The following TCF4 variants were observed in gnomAD, a reference collection of about 807,000 sequenced individuals.
TCF4 encodes SL3-3 enhancer factor 2.
Under a neutral mutation model 82.1 loss-of-function variants are expected in TCF4, and 3 were observed. The ratio of observed to expected loss-of-function variants is 0.04; its 90% CI spans 0.02 to 0.09. The LOEUF is 0.09. TCF4 is among the 10% of genes least tolerant of loss of function. TCF4 has a pLI of 1.00. For missense variants in TCF4, 518 were observed against 852.7 expected (o/e 0.61, Z 4.89); for synonymous variants, 276 against 309.6 (o/e 0.89, Z 1.14).
chr18:55,517,867 G>A (rs762639386), intron 3 of TCF4, among the ~76,000 whole-genome samples: 1 of 152,154 alleles, frequency 6.6e-6, no homozygotes. Context: ...GCCCTTGCTG[G>A]TTAGAGCTTT....
chr18:55,448,267 G>A (rs747848525), intron 5 of TCF4, among the ~76,000 whole-genome samples: 11 of 152,130 alleles, frequency 7.2e-5, no homozygotes, highest in South Asian at 6.2e-4. Flanking sequence ...TTCTACAGGC[G>A]GGAATATTCC....
At chr18:55,391,393 A>G (rs1350820425) in intron 6 of TCF4, among the ~76,000 whole-genome samples, 3 of 152,132 alleles carry the variant, frequency 2.0e-5, no homozygotes, top group African/African-American at 7.2e-5. Context: ...TTTCTATATG[A>G]CAAAACTGAA....
chr18:55,583,337 G>A (rs1568458508), intron 3 of TCF4, among the ~76,000 whole-genome samples: 1 of 151,980 alleles, frequency 6.6e-6, no homozygotes, highest in Admixed American at 6.6e-5. Flanking sequence ...ACATATGTGT[G>A]TATGTGTATG....
At chr18:55,322,144 CCTTTT>C (rs1237314362) in intron 8 of TCF4, 5 of 1,053,354 alleles carry the variant, frequency 4.7e-6, no homozygotes, top group African/African-American at 1.8e-5. Context: ...TTCTAGGCAC[CCTTTT>C]CTTCTCTAAA....
chr18:55,412,575 A>G (rs1023524189), intron 5 of TCF4, among the ~76,000 whole-genome samples: 2 of 152,100 alleles, frequency 1.3e-5, no homozygotes. Context: ...TCGTTCATTT[A>G]AAAGGGTCCT....
At chr18:55,374,729 G>A (rs1427484072) in intron 6 of TCF4, among the ~76,000 whole-genome samples, 2 of 151,664 alleles carry the variant, frequency 1.3e-5, no homozygotes, top group African/African-American at 4.8e-5. Context: ...GCGAAACTCC[G>A]CCTCCACAAA....
chr18:55,625,984 C>T (rs533896040), intron 2 of TCF4, among the ~76,000 whole-genome samples: 1 of 152,268 alleles, frequency 6.6e-6, no homozygotes, highest in South Asian at 2.1e-4. Context: ...CCGTCCCTTT[C>T]CTATTAATTT....
intron 8 of TCF4, among the ~76,000 whole-genome samples, chr18:55,291,523 G>C (rs554893142): frequency 1.3e-5 from 2 of 151,968 alleles, no homozygotes; most frequent in African/African-American, 4.8e-5. Context: ...AAAAAAGTAC[G>C]AATTATCTTT....
intron 2 of TCF4, among the ~76,000 whole-genome samples, chr18:55,624,649 C>G (rs1421033592): frequency 1.3e-5 from 2 of 151,682 alleles, no homozygotes; most frequent in Admixed American, 6.6e-5. Flanking sequence ...CTCAAACTTT[C>G]CTTCTCTTCT....
intron 11 of TCF4, among the ~76,000 whole-genome samples, chr18:55,263,094 G>A: frequency 6.6e-6 from 1 of 152,078 alleles, no homozygotes; most frequent in East Asian, 1.9e-4. Context: ...CTGAGTCACG[G>A]TGCCCAGCCG....
intron 3 of TCF4, among the ~76,000 whole-genome samples, chr18:55,579,041 C>G (rs1185760707): frequency 6.6e-6 from 1 of 151,340 alleles, no homozygotes; most frequent in Non-Finnish European, 1.5e-5. Context: ...AACATGACAA[C>G]CTTTTCAACA....
At chr18:55,346,719 A>T (rs2081261072) in intron 8 of TCF4, among the ~76,000 whole-genome samples, 1 of 152,190 alleles carries the variant, frequency 6.6e-6, no homozygotes, top group Non-Finnish European at 1.5e-5. Context: ...GATAAAACGT[A>T]TATAATTTTG....
intron 3 of TCF4, among the ~76,000 whole-genome samples, chr18:55,547,900 T>A (rs758469127): frequency 2.6e-5 from 4 of 151,842 alleles, no homozygotes; most frequent in African/African-American, 4.9e-5. Context: ...AGACCAGAAC[T>A]TGAATTCCCA....
At chr18:55,430,864 G>C (rs895776326) in intron 5 of TCF4, among the ~76,000 whole-genome samples, 5 of 152,184 alleles carry the variant, frequency 3.3e-5, no homozygotes, top group Non-Finnish European at 5.9e-5. Flanking sequence ...ACATAGGCCT[G>C]AAGTGGGTCC....
intron 3 of TCF4, among the ~76,000 whole-genome samples, chr18:55,536,048 A>T (rs2097111784): frequency 6.6e-6 from 1 of 152,194 alleles, no homozygotes. Context: ...TCTTCAGCGG[A>T]CTAGCCTGGA....
At chr18:55,589,834 T>C, upstream of TCF4, 1 of 1,004,540 alleles carries the variant, frequency 1.0e-6, no homozygotes, top group South Asian at 4.7e-5. Flanking sequence ...CCGCGGCTGC[T>C]CCTCCAGACA....
chr18:55,514,405 GCACACACACACACACACA>G (rs74182104), intron 3 of TCF4, among the ~76,000 whole-genome samples: 5 of 130,172 alleles, frequency 3.8e-5, no homozygotes, highest in African/African-American at 5.5e-5. Flanking sequence ...ATCTATCCAT[GCACACACACACACACACA>G]CACACACACA....
chr18:55,478,845 A>T (rs62091169), intron 3 of TCF4, among the ~76,000 whole-genome samples: 1 of 103,988 alleles, frequency 9.6e-6, no homozygotes, highest in African/African-American at 3.5e-5. Flanking sequence ...AAACAGTTTT[A>T]AAATTAAAAA....
At chr18:55,353,804 T>G (rs2082830475) in intron 6 of TCF4, among the ~76,000 whole-genome samples, 1 of 152,148 alleles carries the variant, frequency 6.6e-6, no homozygotes, top group Non-Finnish European at 1.5e-5. Context: ...GATAAGGTAT[T>G]TGTTTATATT....
Sources: gnomAD v4.1 joint callset for allele counts (sites outside exome capture counted in the v4.1 genomes callset) on GRCh38, gnomAD v4.1.1 for gene constraint, MANE v1.5 for transcripts, NCBI Gene and HGNC (gene_info 2026-07-23, HGNC 2026-07-21) for gene names.